ACYP2: variants seen among roughly 807,000 people sequenced by gnomAD.
The protein encoded by ACYP2 is acylphosphatase 2.
ACYP2 carries 12 observed loss-of-function variants against 11.2 expected under a neutral mutation model. The observed-to-expected ratio is 1.08, with a 90% CI of 0.69 to 1.74. ACYP2 has a LOEUF of 1.74. Among genes scored for constraint, ACYP2 ranks in the 40% most tolerant of loss-of-function variants. ACYP2 has a pLI of 0.00. For synonymous variants in ACYP2, 43 were observed against 32.2 expected, an observed-to-expected ratio of 1.33 and a Z score of -1.13; for missense variants, 134 against 101.9, an observed-to-expected ratio of 1.31 and a Z score of -1.35.
At chr2:54,102,459 C>T (rs1382063198) in intron 4 of ACYP2, among the ~76,000 whole-genome samples, 1 of 151,928 alleles carries the variant, frequency 6.6e-6, no homozygotes, top group African/African-American at 2.4e-5. Flanking sequence ...CATTCCTCTT[C>T]TATTGCAGAC....
At position 54,300,738 on chromosome 2, in the gene ACYP2, G is replaced by A. The variant is rs535736777; in HGVS notation, c.405-3950G>A. ...CCTCCTTATGACAGTATGTTTGTAA[G>A]ACAAGGACTTTTAATAATTTGTTAG... On this transcript the variant is annotated intron_variant, in intron 6 of 6. Transcript: ENST00000607452. Among the ~76,000 whole-genome samples the A allele has an allele frequency of 1.4e-4, 22 of 152,212 alleles. 1 individual carries two copies. The highest frequency in any genetic ancestry group is 2.5e-4 in the Non-Finnish European group (17 of 68,050).
intron 4 of ACYP2, among the ~76,000 whole-genome samples, chr2:54,133,713 G>A (rs1013261580): frequency 6.6e-6 from 1 of 152,146 alleles, no homozygotes; most frequent in South Asian, 2.1e-4. Context: ...GTTATTTAGG[G>A]TCATTGCTGC....
At chr2:54,119,755 G>C (rs1217169332) in intron 4 of ACYP2, among the ~76,000 whole-genome samples, 3 of 152,172 alleles carry the variant, frequency 2.0e-5, no homozygotes, top group Non-Finnish European at 4.4e-5. Context: ...ACATTATTAT[G>C]AACTAAAGTC....
rs534296571 is a variant in ACYP2 at position 53,973,765 on chromosome 2, G to A, written c.17G>A (p.Ser6Asn). The stretch of plus-strand genomic sequence containing the variant: ...TAAACAGCCATGTTGCTCACACAAA[G>A]CCTGTTTGGTGGTCTCTTCCCACGG... Residue 6 changes from serine (S) to asparagine (N), a missense_variant, in exon 2 of 7, where the codon AGC becomes AAC. Physicochemically the swap from Ser to Asn is conservative, Grantham distance 46 (BLOSUM62 1). Transcript: ENST00000607452. The A allele has an allele frequency of 3.2e-5, 11 of 348,140 alleles. No individual in the cohort carries two copies. Among genetic ancestry groups the A allele is most frequent in the Admixed American group, 2.3e-4 (5 of 21,404 alleles). The allele number at this position is 348,140 out of a possible 1,614,324, so 21.6% of individuals were successfully genotyped here.
intron 4 of ACYP2, among the ~76,000 whole-genome samples, chr2:54,129,270 A>G (rs1253954669): frequency 6.6e-6 from 1 of 152,060 alleles, no homozygotes; most frequent in Non-Finnish European, 1.5e-5. Flanking sequence ...ATCATTAGGG[A>G]TTTTAGACTT....
intron 2 of ACYP2, among the ~76,000 whole-genome samples, chr2:54,048,487 C>T (rs1675646264): frequency 1.3e-5 from 2 of 152,090 alleles, no homozygotes; most frequent in African/African-American, 4.8e-5. Context: ...CCATTACAGC[C>T]ACTTTTTAAA....
chr2:54,127,869 G>A (rs1370816172), intron 4 of ACYP2, among the ~76,000 whole-genome samples: 3 of 151,606 alleles, frequency 2.0e-5, no homozygotes, highest in African/African-American at 7.3e-5. Flanking sequence ...ATGGCCAATC[G>A]ACTCATCTAA....
intron 6 of ACYP2, among the ~76,000 whole-genome samples, chr2:54,168,165 C>T (rs189329505): frequency 1.3e-5 from 2 of 152,280 alleles, no homozygotes; most frequent in Non-Finnish European, 2.9e-5. Flanking sequence ...TGGCTCACAC[C>T]TGTAATCCCA....
At chr2:54,142,863 A>G (rs898091721) in intron 6 of ACYP2, 1 of 152,184 alleles carries the variant, frequency 6.6e-6, no homozygotes, top group Non-Finnish European at 1.5e-5. Flanking sequence ...GGTTTTCTTT[A>G]TATAGGTTTT....
At chr2:54,121,142 A>G (rs1360595905) in intron 4 of ACYP2, among the ~76,000 whole-genome samples, 2 of 152,302 alleles carry the variant, frequency 1.3e-5, no homozygotes, top group Non-Finnish European at 2.9e-5. Context: ...TGGAGAGTGA[A>G]CAAGGCAGAG....
rs537484531 is a variant in ACYP2, at chr2:54,225,616, AT to A, written c.405-79067del. ...GTGCAACACTAACTCTTTGGATGTC[AT>A]TTTTAACTTCGTCTTTTGTATTCAA... On this transcript the variant is annotated intron_variant, in intron 6 of 6. Coordinates refer to ENST00000607452, the MANE Select transcript of ACYP2 (RefSeq NM_001320586.2). Among the ~76,000 whole-genome samples the A allele has an allele frequency of 3.3e-5, 5 of 152,202 alleles. No individual in the cohort carries two copies. In the East Asian group the frequency reaches 9.7e-4, roughly 29 times the overall value.
intron 4 of ACYP2, among the ~76,000 whole-genome samples, chr2:54,069,929 T>C (rs1676943548): frequency 6.6e-6 from 1 of 152,214 alleles, no homozygotes; most frequent in Non-Finnish European, 1.5e-5. Flanking sequence ...TAACCCAGAA[T>C]ACTTCTCTGG....
intron 6 of ACYP2, among the ~76,000 whole-genome samples, chr2:54,145,967 C>G (rs1264099088): frequency 6.6e-6 from 1 of 152,156 alleles, no homozygotes; most frequent in Non-Finnish European, 1.5e-5. Flanking sequence ...AGAGCAGGCT[C>G]CTGTGTCCTT....
intron 2 of ACYP2, among the ~76,000 whole-genome samples, chr2:54,039,745 C>T (rs145256008): frequency 2.0e-4 from 31 of 151,490 alleles, no homozygotes; most frequent in African/African-American, 7.3e-4. Flanking sequence ...GGTTTTTGAG[C>T]AGAAGAGTGA....
intron 6 of ACYP2, among the ~76,000 whole-genome samples, chr2:54,270,058 C>T (rs941554226): frequency 1.3e-5 from 2 of 152,000 alleles, no homozygotes; most frequent in African/African-American, 4.8e-5. Flanking sequence ...ATGTTTATGT[C>T]CTCTGACCAT....
In ACYP2 at chr2:54,079,364, A is replaced by T. The variant is rs114942561; in HGVS notation, c.277+22004A>T. 9.5e-3 allele frequency among the ~76,000 whole-genome samples: 1,447 copies of T among 152,328 alleles called. 22 individuals carry two copies. The highest frequency in any genetic ancestry group is 0.032 in the African/African-American group (1,329 of 41,562). On this transcript the variant is annotated intron_variant, in intron 4 of 6. Transcript: ENST00000607452. ...TTCTTCAGGTAATCAAACCTAAGCCAATCAGCATTCAGGAAGGGGAATGTG... is the reference window on the plus strand; with the variant it reads ...TTCTTCAGGTAATCAAACCTAAGCCTATCAGCATTCAGGAAGGGGAATGTG...
At chr2:54,078,632 C>G (rs1677476727) in intron 4 of ACYP2, among the ~76,000 whole-genome samples, 1 of 148,180 alleles carries the variant, frequency 6.7e-6, no homozygotes, top group Non-Finnish European at 1.5e-5. Flanking sequence ...TGGAGTCTTA[C>G]TCTGTCACCC....
chr2:53,994,974 TTA>T (rs1053233866), intron 2 of ACYP2, among the ~76,000 whole-genome samples: 1 of 152,198 alleles, frequency 6.6e-6, no homozygotes, highest in African/African-American at 2.4e-5. Context: ...TGACAGTTCT[TTA>T]TATATATGTT....
At chr2:54,021,759 T>C (rs1674020260) in intron 2 of ACYP2, among the ~76,000 whole-genome samples, 1 of 152,194 alleles carries the variant, frequency 6.6e-6, no homozygotes, top group Non-Finnish European at 1.5e-5. Context: ...TGAGCATTTT[T>C]TGGAGTCATG....
Sources: gnomAD v4.1 joint callset for allele counts (sites outside exome capture counted in the v4.1 genomes callset) on GRCh38, gnomAD v4.1.1 for gene constraint, MANE v1.5 for transcripts, NCBI Gene and HGNC (gene_info 2026-07-23, HGNC 2026-07-21) for gene names.